Variants in POLA1 observed in about 807,000 individuals in gnomAD.
POLA1 encodes DNA polymerase alpha 1, catalytic subunit.
A neutral mutation model predicts 124.0 loss-of-function variants in POLA1; 15 were observed. The observed-to-expected ratio is 0.12, with a 90% CI of 0.08 to 0.19. POLA1 has a LOEUF of 0.19. POLA1 is among the 10% of genes least tolerant of loss of function. The pLI, the probability that POLA1 is intolerant of heterozygous loss-of-function variation, is 1.00. For synonymous variants in POLA1, 408 were observed against 389.4 expected (o/e 1.05, Z -0.56); for missense variants, 886 against 1,103.4 (o/e 0.80, Z 2.79).
chrX:24,933,026 C>T (rs1294911049), intron 36 of POLA1, among the ~76,000 whole-genome samples: 1 of 111,727 alleles, frequency 9.0e-6, no homozygotes, highest in Admixed American at 9.5e-5. Flanking sequence ...AACCCAAATC[C>T]ATAGATCCTA....
chrX:24,836,415 G>A (rs187720876), intron 32 of POLA1, among the ~76,000 whole-genome samples: 1 of 111,940 alleles, frequency 8.9e-6, no homozygotes, highest in East Asian at 2.8e-4. Flanking sequence ...GGACATGTAT[G>A]TTTACTTTTA....
chrX:24,881,067 G>T (rs955017560), intron 34 of POLA1, among the ~76,000 whole-genome samples: 1 of 111,673 alleles, frequency 9.0e-6, no homozygotes, highest in African/African-American at 3.3e-5. Flanking sequence ...CTCTTCCCCT[G>T]CTGCCTGTTT....
At chrX:24,769,813 C>T (rs2044988672) in intron 26 of POLA1, among the ~76,000 whole-genome samples, 1 of 112,229 alleles carries the variant, frequency 8.9e-6, no homozygotes, top group Admixed American at 9.4e-5. Context: ...TAGGAAATCT[C>T]TGGCTGGGTG....
chrX:24,852,726 C>T lies in POLA1; in HGVS notation c.4047+9049C>T, dbSNP rs767616661. 3.6e-5 allele frequency among the ~76,000 whole-genome samples: 4 copies of T among 111,984 alleles called. No individual in the cohort carries two copies. In the South Asian group the frequency reaches 1.5e-3, roughly 42 times the overall value. ...TCGTTTTTACTGTGCTATAGTGTAACTCTCAGGGTGGGTAGTTTTGTGAGG... is the reference window on the plus strand; with the variant it reads ...TCGTTTTTACTGTGCTATAGTGTAATTCTCAGGGTGGGTAGTTTTGTGAGG... On this transcript the variant is annotated intron_variant, in intron 34 of 36. Coordinates refer to ENST00000379068, the MANE Select transcript of POLA1 (RefSeq NM_001330360.2).
At chrX:24,903,225 A>G (rs981859569) in intron 35 of POLA1, among the ~76,000 whole-genome samples, 3 of 113,141 alleles carry the variant, frequency 2.7e-5, no homozygotes, top group Non-Finnish European at 5.6e-5. Flanking sequence ...TGATATATCA[A>G]TGGCACTGGA....
At chrX:24,920,086 A>G (rs1299693574) in intron 35 of POLA1, among the ~76,000 whole-genome samples, 1 of 108,523 alleles carries the variant, frequency 9.2e-6, no homozygotes, top group African/African-American at 3.4e-5. Context: ...ACCTCAGATG[A>G]TCCTCCCGCC....
At chrX:24,718,217 C>T (rs192406153) in intron 10 of POLA1, among the ~76,000 whole-genome samples, 33 of 111,997 alleles carry the variant, frequency 2.9e-4, no homozygotes, top group African/African-American at 1.0e-3. Flanking sequence ...GATGAATAAG[C>T]TGGACAAATT....
intron 34 of POLA1, among the ~76,000 whole-genome samples, chrX:24,873,937 G>A (rs1300063496): frequency 2.7e-5 from 3 of 111,385 alleles, no homozygotes; most frequent in African/African-American, 6.5e-5. Context: ...TTTTACACTT[G>A]CAGCCCATCT....
chrX:24,753,269 C>T (rs373205001), intron 26 of POLA1, among the ~76,000 whole-genome samples: 3 of 110,771 alleles, frequency 2.7e-5, no homozygotes, highest in South Asian at 3.8e-4. Flanking sequence ...CCACCTGCCT[C>T]GGCCTCCCAA....
chrX:24,805,781 C>T (rs2045786584), intron 26 of POLA1, among the ~76,000 whole-genome samples: 1 of 111,057 alleles, frequency 9.0e-6, no homozygotes, highest in Admixed American at 9.6e-5. Context: ...TGCAGACTGC[C>T]TTATTAATGA....
intron 1 of POLA1, among the ~76,000 whole-genome samples, chrX:24,699,141 G>A (rs1004757631): frequency 3.6e-5 from 4 of 112,085 alleles, no homozygotes; most frequent in African/African-American, 9.7e-5. Context: ...TAGTGTCTCC[G>A]CAGGATATCA....
intron 36 of POLA1, among the ~76,000 whole-genome samples, chrX:24,944,079 A>T (rs1242211609): frequency 8.9e-6 from 1 of 112,141 alleles, no homozygotes. Flanking sequence ...TCTCAACAAG[A>T]TTAGCTGACT....
intron 34 of POLA1, among the ~76,000 whole-genome samples, chrX:24,877,905 G>GTTTTTTTTTGTT (rs775651228): frequency 8.3e-5 from 2 of 24,028 alleles, no homozygotes; most frequent in Non-Finnish European, 1.3e-4. Flanking sequence ...GAGGGAGGGA[G>GTTTTTTTTTGTT]TTTTTTTTTG....
chrX:24,918,086 T>C (rs1249466967), intron 35 of POLA1, among the ~76,000 whole-genome samples: 1 of 109,491 alleles, frequency 9.1e-6, no homozygotes, highest in Non-Finnish European at 1.9e-5. Context: ...CTGTTATCAT[T>C]AATGTGAGAC....
intron 5 of POLA1, 51 bp from the exon 6 acceptor site, chrX:24,715,090 G>C (rs764396458): frequency 1.2e-5 from 11 of 882,863 alleles, no homozygotes; most frequent in Non-Finnish European, 1.7e-5. Flanking sequence ...GTTTTGGTGA[G>C]ACATTTTAAG....
intron 36 of POLA1, among the ~76,000 whole-genome samples, chrX:24,939,162 A>G (rs1036554872): frequency 1.8e-4 from 20 of 112,177 alleles, no homozygotes; most frequent in African/African-American, 6.2e-4. Context: ...GGGCTCTGCC[A>G]TGTCTAGGTG....
intron 26 of POLA1, among the ~76,000 whole-genome samples, chrX:24,753,505 A>G (rs2148412528): frequency 9.1e-6 from 1 of 110,114 alleles, no homozygotes; most frequent in African/African-American, 3.3e-5. Context: ...GGCATATGCC[A>G]CCATCCTTGG....
In POLA1 at chrX:24,930,498, AT is replaced by A; in HGVS notation, c.4215del (p.Phe1405LeufsTer19). On this transcript the variant is annotated frameshift_variant, in exon 36 of 37. Transcript: ENST00000379068. LOFTEE classifies it high-confidence loss of function. Reference sequence around the variant, plus strand: ...CACCCAGCTGTGCTTTTACCGGTACATTTTTGATGCGGAGTGTGCACTGGAG... The same window carrying A: ...CACCCAGCTGTGCTTTTACCGGTACATTTTGATGCGGAGTGTGCACTGGAG... ...LYTQLCFYRY[I>X]FDAECALEKL... The A allele has an allele frequency of 8.3e-7, 1 of 1,198,828 alleles. No individual in the cohort carries two copies. Among genetic ancestry groups the A allele is most frequent in the Non-Finnish European group, 1.1e-6 (1 of 883,511 alleles).
chrX:24,969,239 C>T (rs1384028720), intron 36 of POLA1, among the ~76,000 whole-genome samples: 1 of 110,018 alleles, frequency 9.1e-6, no homozygotes, highest in Non-Finnish European at 1.9e-5. Flanking sequence ...AATCTAATGG[C>T]AGAAAGGGGG....
Sources: allele counts gnomAD v4.1 joint callset (sites outside exome capture counted in the v4.1 genomes callset), GRCh38; gene constraint gnomAD v4.1.1; transcripts MANE v1.5; gene names NCBI Gene and HGNC (gene_info 2026-07-23, HGNC 2026-07-21).